The following CDCP1 variants were observed in gnomAD, a reference collection of about 807,000 sequenced individuals.
CDCP1 encodes the protein CUB domain containing protein 1, also known as CUB domain-containing protein 1.
CDCP1 carries 29 observed loss-of-function variants against 60.2 expected under a neutral mutation model. The ratio of observed to expected loss-of-function variants is 0.48; its 90% CI spans 0.36 to 0.66. The LOEUF (loss-of-function observed/expected upper bound fraction) is 0.66, where lower values mean the gene tolerates loss of function less well. CDCP1 is among the 30% of genes least tolerant of loss of function. The pLI, the probability that CDCP1 is intolerant of heterozygous loss-of-function variation, is 0.00. For synonymous variants in CDCP1, 387 were observed against 431.1 expected, an observed-to-expected ratio of 0.90 and a Z score of 1.27; for missense variants, 876 against 1,074.3, an observed-to-expected ratio of 0.82 and a Z score of 2.58.
intron 1 of CDCP1, among the ~76,000 whole-genome samples, chr3:45,142,126 C>A (rs1699300598): frequency 6.6e-6 from 1 of 152,190 alleles, no homozygotes; most frequent in Admixed American, 6.5e-5. Context: ...AGCCACTGCG[C>A]CTGGCTCGGT....
In CDCP1 at chr3:45,116,238, T is replaced by TAAAAA. The variant is rs141194206; in HGVS notation, c.292+2173_292+2174insTTTTT. On this transcript the variant is annotated intron_variant, in intron 2 of 8. Coordinates refer to ENST00000296129, the MANE Select transcript of CDCP1 (RefSeq NM_022842.5). Reference sequence around the variant, plus strand: ...TAAAATCTATGTTCATACTGTTCTGTTAAAAAAAAAAAAAAAAGACATCTA... The same window carrying TAAAAA: ...TAAAATCTATGTTCATACTGTTCTGTAAAAATAAAAAAAAAAAAAAAAGACATCTA... Among the ~76,000 whole-genome samples, 81 of 135,422 alleles carry TAAAAA rather than the reference T, an allele frequency of 6.0e-4. 2 individuals carry two copies. Among genetic ancestry groups the TAAAAA allele is most frequent in the African/African-American group, 1.9e-3 (71 of 37,038 alleles). 88.8% of individuals were successfully genotyped at this position (135,422 alleles called of 152,430 possible). A position where few individuals can be genotyped will look rare whatever the true frequency, so the allele number is the denominator to read the frequency against.
chr3:45,117,342 ATG>A (rs1698810200), intron 2 of CDCP1, among the ~76,000 whole-genome samples: 1 of 152,206 alleles, frequency 6.6e-6, no homozygotes, highest in African/African-American at 2.4e-5. Flanking sequence ...TTTAAGTATT[ATG>A]TGTCATCCAT....
chr3:45,124,483 C>A (rs1698940183), intron 1 of CDCP1, among the ~76,000 whole-genome samples: 2 of 152,172 alleles, frequency 1.3e-5, no homozygotes, highest in African/African-American at 4.8e-5. Context: ...TATTAAGATG[C>A]ATGGTGCCCT....
rs138567057 is a variant in CDCP1 at position 45,091,378 on chromosome 3, G to A, written c.1788C>T (p.Gly596=). ...ACLTFFKERS[G]VVCQTGRAFM... is the part of the protein sequence containing the mutation. The stretch of plus-strand genomic sequence containing the variant: ...ATGCGCGCCCTGTCTGGCAGACCAC[G>A]CCGCTCCGCTCCTTAAAGAAAGTCA... Residue 596 remains glycine, a synonymous_variant, in exon 7 of 9, where the codon GGC becomes GGT. Transcript: ENST00000296129. The surrounding 1 kb of genome is among the most constrained non-coding windows in gnomAD (Gnocchi z 4.8). The A allele has an allele frequency of 9.1e-5, 147 of 1,614,006 alleles. No individual in the cohort carries two copies. Among genetic ancestry groups the A allele is most frequent in the Non-Finnish European group, 1.2e-4 (139 of 1,180,048 alleles).
intron 1 of CDCP1, among the ~76,000 whole-genome samples, chr3:45,133,673 G>A (rs867870991): frequency 9.7e-5 from 1 of 10,326 alleles, no homozygotes; most frequent in East Asian, 3.0e-3. Context: ...AGCCGAGATC[G>A]CGCCACTGCA....
At chr3:45,124,762 G>A (rs977041881) in intron 1 of CDCP1, among the ~76,000 whole-genome samples, 4 of 152,090 alleles carry the variant, frequency 2.6e-5, no homozygotes, top group Non-Finnish European at 4.4e-5. Flanking sequence ...TGCAAAATAC[G>A]TTTCATTAAA....
At chr3:45,090,222 A>G (rs1025757846) in intron 7 of CDCP1, among the ~76,000 whole-genome samples, 1 of 152,192 alleles carries the variant, frequency 6.6e-6, no homozygotes, top group African/African-American at 2.4e-5. Flanking sequence ...AAGGGAAAAA[A>G]GCAGCCTCCA....
chr3:45,092,809 G>A (rs1451356581), intron 6 of CDCP1, among the ~76,000 whole-genome samples: 1 of 152,132 alleles, frequency 6.6e-6, no homozygotes, highest in Non-Finnish European at 1.5e-5. Context: ...CTGCCCAGCC[G>A]TGCTGCTGGA....
Position 45,112,307 on chromosome 3 carries a change from G to C in CDCP1, c.431C>G (p.Pro144Arg), listed in dbSNP as rs201931473. ...ACCCGGACCGATCTGCCTCAGGCGA[G>C]GGATGGAAAACTGCAGCTCTAAACC... ...SIGLELQFSI[P>R]RLRQIGPGES... Residue 144 changes from proline to arginine, a missense_variant, in exon 3 of 9, where the codon CCT becomes CGT. By Grantham distance (103) the Pro-to-Arg change is moderately radical. This residue lies in a region of CDCP1 where 726 missense variants were observed against 935.7 expected (regional missense o/e 0.78). Coordinates refer to ENST00000296129, the MANE Select transcript of CDCP1 (RefSeq NM_022842.5). 53 of 1,614,232 alleles carry C rather than the reference G, an allele frequency of 3.3e-5. No homozygotes were observed. The East Asian group carries it at 1.2e-3, about 35-fold the overall frequency.
intron 1 of CDCP1, among the ~76,000 whole-genome samples, chr3:45,144,220 T>C (rs1349028323): frequency 6.6e-6 from 1 of 152,204 alleles, no homozygotes; most frequent in African/African-American, 2.4e-5. Context: ...TCATTTTTAC[T>C]CTGCTGAGTC....
chr3:45,097,507 T>TA (rs375695747), intron 4 of CDCP1, among the ~76,000 whole-genome samples: 33,834 of 126,580 alleles, frequency 0.27, 4,420 homozygotes, highest in African/African-American at 0.32. Context: ...TTCTTTTGTT[T>TA]AAAAAAAAAA....
chr3:45,089,543 G>T (rs1030631711), intron 7 of CDCP1, among the ~76,000 whole-genome samples: 3 of 152,208 alleles, frequency 2.0e-5, no homozygotes, highest in Non-Finnish European at 2.9e-5. Context: ...TATGTCTCCA[G>T]TTGAATTCTC....
At chr3:45,099,155 T>G (rs1260811763) in intron 4 of CDCP1, among the ~76,000 whole-genome samples, 1 of 151,864 alleles carries the variant, frequency 6.6e-6, no homozygotes, top group Admixed American at 6.6e-5. Flanking sequence ...TACTTTCTTT[T>G]TAGGTGGATT....
chr3:45,137,427 C>T (rs1385402792), intron 1 of CDCP1, among the ~76,000 whole-genome samples: 1 of 152,024 alleles, frequency 6.6e-6, no homozygotes, highest in Non-Finnish European at 1.5e-5. Flanking sequence ...GCCAGTGAGG[C>T]TAGAAGAAGT....
At chr3:45,134,276 C>T (rs1277262191) in intron 1 of CDCP1, among the ~76,000 whole-genome samples, 3 of 152,210 alleles carry the variant, frequency 2.0e-5, no homozygotes, top group Admixed American at 1.3e-4. Flanking sequence ...AGGCGCCCGC[C>T]ACCACACCCA....
intron 1 of CDCP1, among the ~76,000 whole-genome samples, chr3:45,137,173 T>C (rs1441882650): frequency 6.6e-6 from 1 of 152,240 alleles, no homozygotes; most frequent in Non-Finnish European, 1.5e-5. Context: ...AAGTAATCTA[T>C]GAATATGCAA....
intron 1 of CDCP1, among the ~76,000 whole-genome samples, chr3:45,125,721 G>T (rs1452988832): frequency 6.6e-6 from 1 of 152,204 alleles, no homozygotes; most frequent in Non-Finnish European, 1.5e-5. Flanking sequence ...CGTAAGGCAG[G>T]CAAAGCACTG....
intron 4 of CDCP1, among the ~76,000 whole-genome samples, chr3:45,106,752 G>A (rs1399631773): frequency 6.6e-6 from 1 of 152,150 alleles, no homozygotes; most frequent in Non-Finnish European, 1.5e-5. Context: ...ACAAAGGAAG[G>A]TCAAGTTAGG....
rs1197277572 is a variant in CDCP1 at position 45,093,479 on chromosome 3, G to C, written c.1425C>G (p.Pro475=). 1 of 1,613,972 alleles carries C rather than the reference G, an allele frequency of 6.2e-7. No homozygotes were observed. The highest frequency in any genetic ancestry group is 8.5e-7 in the Non-Finnish European group (1 of 1,179,942). The change falls in exon 6 of 9, where the codon CCC becomes CCG. Residue 475 remains proline (P), a synonymous_variant. Transcript: ENST00000296129. The part of the protein sequence containing the change: ...QKLQQHTHEK[P]CNTSFSYLVA... The stretch of plus-strand genomic sequence containing the variant: ...CGAGGTAGCTGAAGCTGGTGTTGCA[G>C]GGCTTCTCGTGTGTATGCTGCTGCA...
Sources: gnomAD v4.1 joint callset for allele counts (sites outside exome capture counted in the v4.1 genomes callset) on GRCh38, gnomAD v4.1.1 for gene constraint, gnomAD v4.1.1 regional missense constraint, Gnocchi (gnomAD v3.1) non-coding constraint, MANE v1.5 for transcripts, NCBI Gene and HGNC (gene_info 2026-07-23, HGNC 2026-07-21) for gene names.